PTK7: variants seen among roughly 807,000 people sequenced by gnomAD.
PTK7 encodes protein tyrosine kinase 7 (inactive).
In PTK7, 39 loss-of-function variants were observed where a neutral mutation model predicts 116.6. The ratio of observed to expected loss-of-function variants is 0.33; its 90% CI spans 0.26 to 0.44. PTK7 has a LOEUF of 0.44. Among genes scored for constraint, PTK7 ranks in the 20% least tolerant of loss-of-function variants. The pLI, the probability that PTK7 is intolerant of heterozygous loss-of-function variation, is 1.00. For missense variants in PTK7, 1,169 were observed against 1,425.6 expected, an observed-to-expected ratio of 0.82 and a Z score of 2.90; for synonymous variants, 546 against 563.6, an observed-to-expected ratio of 0.97 and a Z score of 0.44.
intron 1 of PTK7, among the ~76,000 whole-genome samples, chr6:43,108,639 C>T (rs564098484): frequency 2.9e-4 from 44 of 150,922 alleles, no homozygotes; most frequent in African/African-American, 1.0e-3. Flanking sequence ...TGGCCTCAAG[C>T]GATCCACCCG....
intron 17 of PTK7, among the ~76,000 whole-genome samples, chr6:43,157,082 A>G (rs1344419374): frequency 6.6e-6 from 1 of 151,626 alleles, no homozygotes; most frequent in Non-Finnish European, 1.5e-5. Context: ...AATTATCACA[A>G]AAGTCAGGGT....
At chr6:43,109,844 GCC>G (rs1768093269) in intron 1 of PTK7, among the ~76,000 whole-genome samples, 1 of 151,574 alleles carries the variant, frequency 6.6e-6, no homozygotes, top group South Asian at 2.1e-4. Context: ...GACTACAGGT[GCC>G]CACGACCACG....
chr6:43,119,245 T>C lies in PTK7; in HGVS notation c.80-9732T>C, dbSNP rs571901780. On this transcript the variant is annotated intron_variant, in intron 1 of 19. Coordinates refer to ENST00000230419, the MANE Select transcript of PTK7 (RefSeq NM_002821.5). Reference sequence around the variant, plus strand: ...CTCTGACCAGGTCTGCAGGCTGTGCTTCTCAGCCTGGATTATTAGTCTCCT... The same window carrying C: ...CTCTGACCAGGTCTGCAGGCTGTGCCTCTCAGCCTGGATTATTAGTCTCCT... Among the ~76,000 whole-genome samples the C allele has an allele frequency of 1.6e-4, 25 of 152,248 alleles. 1 individual carries two copies. Among genetic ancestry groups the C allele is most frequent in the Admixed American group, 1.5e-3 (23 of 15,282 alleles).
rs1770960697 is a variant in PTK7, at chr6:43,149,751, T to G, written c.2721+3053T>G. Among the ~76,000 whole-genome samples the G allele has an allele frequency of 2.0e-5, 3 of 152,202 alleles. No individual in the cohort carries two copies. The South Asian group carries it at 6.2e-4, about 32-fold the overall frequency. ...GGTGTGCAGGCTCATATAACTAAAA[T>G]TAAACTTTCACAATGTTGTGTTTGA... On this transcript the variant is annotated intron_variant, in intron 17 of 19. Transcript: ENST00000230419.
rs1045431315 is a variant in PTK7 at position 43,141,837 on chromosome 6, C to G, written c.1768+20C>G. On this transcript the variant is annotated intron_variant, in intron 11 of 19. Coordinates refer to ENST00000230419, the MANE Select transcript of PTK7 (RefSeq NM_002821.5). This position sits in a 1 kb window ranked among gnomAD's most constrained non-coding sequence, Gnocchi z 4.9. ...TGGCAGGTGCGACCGTGGCAGGGCC[C>G]TGGGGCTGGGAGGGCCCTCTGGGGT... is the stretch of plus-strand genomic sequence containing the variant. 2 of 1,610,700 alleles carry G rather than the reference C, an allele frequency of 1.2e-6. No homozygotes were observed.
chr6:43,131,157 A>G (rs1769660117), intron 5 of PTK7, among the ~76,000 whole-genome samples: 1 of 152,130 alleles, frequency 6.6e-6, no homozygotes. Flanking sequence ...CCCTAGGAGA[A>G]CATAGAACAC....
Position 43,129,481 on chromosome 6 carries a change from G to T in PTK7, c.367+217G>T. 1 of 754,062 alleles carries T rather than the reference G, an allele frequency of 1.3e-6. No individual in the cohort carries two copies. The highest frequency in any genetic ancestry group is 2.1e-6 in the Non-Finnish European group (1 of 477,434). 46.7% of individuals were successfully genotyped at this position (754,062 alleles called of 1,614,324 possible). A position where few individuals can be genotyped will look rare whatever the true frequency, so the allele number is the denominator to read the frequency against. ...CTTCAAGTCTGGGACCCATTTATCTGCTGCATGCTTGTGCAAATGGAAAGG... is the reference window on the plus strand; with the variant it reads ...CTTCAAGTCTGGGACCCATTTATCTTCTGCATGCTTGTGCAAATGGAAAGG... On this transcript the variant is annotated intron_variant, in intron 2 of 19. Coordinates refer to ENST00000230419, the MANE Select transcript of PTK7 (RefSeq NM_002821.5). The surrounding 1 kb of genome is among the most constrained non-coding windows in gnomAD (Gnocchi z 4.5).
chr6:43,091,928 T>C lies in PTK7; in HGVS notation c.79+15361T>C, dbSNP rs1013754426. ...CCTAGGCTGGAGTGCAGTGGCGCGA[T>C]CTCAGCTCACTCCAACCTCCACCTC... On this transcript the variant is annotated intron_variant, in intron 1 of 19. Transcript: ENST00000230419. 2.0e-5 allele frequency among the ~76,000 whole-genome samples: 3 copies of C among 152,154 alleles called. No individual in the cohort carries two copies. The East Asian group carries it at 5.8e-4, about 29-fold the overall frequency.
Position 43,159,630 on chromosome 6 carries a change from A to C in PTK7, c.2874-158A>C, listed in dbSNP as rs61671862. On this transcript the variant is annotated intron_variant, in intron 18 of 19. Transcript: ENST00000230419. ...GTTACCTCCAGATTTTGTCTAGTGT[A>C]CTCCCATGCTCAGCACGCATGTGAC... 7.2e-3 allele frequency: 4,926 copies of C among 687,202 alleles called. 169 individuals are homozygous for C. The African/African-American group carries it at 0.074, about 10-fold the overall frequency. The allele number at this position is 687,202 out of a possible 1,614,324, so 42.6% of individuals were successfully genotyped here. A position where few individuals can be genotyped will look rare whatever the true frequency, so the allele number is the denominator to read the frequency against.
At chr6:43,105,648 G>A (rs368365929) in intron 1 of PTK7, among the ~76,000 whole-genome samples, 3 of 152,032 alleles carry the variant, frequency 2.0e-5, no homozygotes, top group African/African-American at 7.2e-5. Context: ...GACTGGTGGC[G>A]CCCCATGTGA....
At chr6:43,102,353 A>G (rs1767630985) in intron 1 of PTK7, among the ~76,000 whole-genome samples, 1 of 151,976 alleles carries the variant, frequency 6.6e-6, no homozygotes, top group Non-Finnish European at 1.5e-5. Flanking sequence ...TGAACCCGGG[A>G]GATGGAGGTT....
rs748657203 is a variant in PTK7 at position 43,143,637 on chromosome 6, G to A, written c.2251+17G>A. On this transcript the variant is annotated intron_variant, in intron 14 of 19. Transcript: ENST00000230419. This position sits in a 1 kb window ranked among gnomAD's most constrained non-coding sequence, Gnocchi z 4.2. ...GCCTCAACGGTGAGGGGCCCTGGAC[G>A]GGGAGGTGGTGCCCGTGTGCGGGAG... 4.0e-5 allele frequency: 65 copies of A among 1,605,178 alleles called. No homozygotes were observed. In the Admixed American group the frequency reaches 9.0e-4, roughly 22 times the overall value.
intron 1 of PTK7, among the ~76,000 whole-genome samples, chr6:43,127,725 C>G (rs912322165): frequency 1.3e-5 from 2 of 152,144 alleles, no homozygotes; most frequent in Non-Finnish European, 2.9e-5. Flanking sequence ...GTCAGGAGAT[C>G]GAGACCATCC....
intron 1 of PTK7, among the ~76,000 whole-genome samples, chr6:43,087,200 T>C (rs1766709958): frequency 6.6e-6 from 1 of 151,724 alleles, no homozygotes; most frequent in South Asian, 2.1e-4. Flanking sequence ...CCACCCCACA[T>C]TGTATATCTG....
intron 17 of PTK7, among the ~76,000 whole-genome samples, chr6:43,158,492 G>T (rs891599810): frequency 2.0e-5 from 3 of 152,094 alleles, no homozygotes; most frequent in Non-Finnish European, 4.4e-5. Flanking sequence ...TATCAGCTAT[G>T]ATTTCTGCCC....
intron 1 of PTK7, among the ~76,000 whole-genome samples, chr6:43,091,464 G>A (rs918044369): frequency 6.6e-6 from 1 of 152,142 alleles, no homozygotes; most frequent in South Asian, 2.1e-4. Context: ...ACTGCGCCTG[G>A]CCGGTTTCCT....
intron 17 of PTK7, among the ~76,000 whole-genome samples, chr6:43,153,310 A>G (rs1467216122): frequency 1.3e-5 from 2 of 150,484 alleles, no homozygotes; most frequent in Admixed American, 1.3e-4. Context: ...AGAGGGTTTC[A>G]CTGTGCGTTA....
At chr6:43,128,365 G>A (rs953035733) in intron 1 of PTK7, among the ~76,000 whole-genome samples, 1 of 152,170 alleles carries the variant, frequency 6.6e-6, no homozygotes, top group Non-Finnish European at 1.5e-5. Context: ...ACTACTGCCT[G>A]CCCACCCCAT....
Position 43,145,032 on chromosome 6 carries a change from G to A in PTK7, c.2408-168G>A, listed in dbSNP as rs1770646060. 7.5e-6 allele frequency: 4 copies of A among 531,900 alleles called. No individual in the cohort carries two copies. Among genetic ancestry groups the A allele is most frequent in the Non-Finnish European group, 1.3e-5 (4 of 306,392 alleles). The allele number at this position is 531,900 out of a possible 1,614,324, so 32.9% of individuals were successfully genotyped here. On this transcript the variant is annotated intron_variant, in intron 15 of 19. Coordinates refer to ENST00000230419, the MANE Select transcript of PTK7 (RefSeq NM_002821.5). The surrounding 1 kb of genome is among the most constrained non-coding windows in gnomAD (Gnocchi z 4.8). ...ATTAGTCCCACCCTTTTATTTTGTT[G>A]CTGCAGACACTGAAGCCTAAGGAGG...
Sources: gnomAD v4.1 joint callset for allele counts (sites outside exome capture counted in the v4.1 genomes callset) on GRCh38, gnomAD v4.1.1 for gene constraint, Gnocchi (gnomAD v3.1) non-coding constraint, MANE v1.5 for transcripts, NCBI Gene and HGNC (gene_info 2026-07-23, HGNC 2026-07-21) for gene names.